FAF1: variants seen among roughly 807,000 people sequenced by gnomAD.
FAF1 encodes the protein Fas associated factor 1, also known as FAS-associated factor 1.
Under a neutral mutation model 92.5 loss-of-function variants are expected in FAF1, and 25 were observed. That is an observed-to-expected ratio of 0.27 (90% CI 0.20 to 0.38). The LOEUF is 0.38. Among genes scored for constraint, FAF1 ranks in the 10% least tolerant of loss-of-function variants. The probability of loss-of-function intolerance (pLI) is 1.00; values close to 1 mark genes in which losing one functional copy is unlikely to be tolerated. For missense variants in FAF1, 636 were observed against 793.3 expected (o/e 0.80, Z 2.38); for synonymous variants, 234 against 273.2 (o/e 0.86, Z 1.42).
chr1:50,928,318 A>G (rs1645021638), intron 1 of FAF1, among the ~76,000 whole-genome samples: 1 of 152,234 alleles, frequency 6.6e-6, no homozygotes, highest in African/African-American at 2.4e-5. Flanking sequence ...GTAATATGAA[A>G]GTCTCTTGAG....
chr1:50,517,673 T>C (rs1300529728), intron 15 of FAF1, among the ~76,000 whole-genome samples: 1 of 152,214 alleles, frequency 6.6e-6, no homozygotes, highest in African/African-American at 2.4e-5. Flanking sequence ...CTGCAGTCTA[T>C]ATTAGGAAAG....
chr1:50,741,542 G>C (rs1156860444), intron 5 of FAF1, among the ~76,000 whole-genome samples: 1 of 152,210 alleles, frequency 6.6e-6, no homozygotes, highest in Non-Finnish European at 1.5e-5. Flanking sequence ...AGAATGCACT[G>C]GAAGAAACAC....
intron 7 of FAF1, among the ~76,000 whole-genome samples, chr1:50,687,914 T>C (rs1195940532): frequency 6.6e-6 from 1 of 151,480 alleles, no homozygotes; most frequent in African/African-American, 2.4e-5. Context: ...GGCGGGCGGA[T>C]CACAAGGTCA....
intron 7 of FAF1, among the ~76,000 whole-genome samples, chr1:50,695,807 C>A (rs1225582798): frequency 6.6e-6 from 1 of 152,116 alleles, no homozygotes; most frequent in African/African-American, 2.4e-5. Flanking sequence ...CACGACCACA[C>A]CTGGCTAATT....
chr1:50,485,423 G>T (rs1336924398), intron 17 of FAF1, among the ~76,000 whole-genome samples: 2 of 151,774 alleles, frequency 1.3e-5, no homozygotes, highest in Admixed American at 1.3e-4. Flanking sequence ...AGCACTGTGG[G>T]AGGCCAAGGC....
intron 18 of FAF1, among the ~76,000 whole-genome samples, chr1:50,456,026 G>C (rs754735726): frequency 6.6e-6 from 1 of 152,084 alleles, no homozygotes; most frequent in Non-Finnish European, 1.5e-5. Flanking sequence ...AGTGAGCTGA[G>C]ATGGCACCAC....
intron 7 of FAF1, among the ~76,000 whole-genome samples, chr1:50,663,955 T>C (rs1397005774): frequency 6.6e-6 from 1 of 151,498 alleles, no homozygotes; most frequent in African/African-American, 2.4e-5. Flanking sequence ...TTCATTGCAT[T>C]CTCAGTTTAA....
chr1:50,884,715 G>GT (rs1252914674), intron 1 of FAF1, among the ~76,000 whole-genome samples: 9 of 151,678 alleles, frequency 5.9e-5, no homozygotes, highest in East Asian at 1.9e-4. Context: ...CTGAACTGTA[G>GT]TTTTTTTTGG....
chr1:50,672,019 C>CTTT lies in FAF1; in HGVS notation c.658-16494_658-16492dup, dbSNP rs370154209. Among the ~76,000 whole-genome samples the CTTT allele has an allele frequency of 6.5e-5, 9 of 138,126 alleles. No homozygotes were observed. The South Asian group carries it at 1.4e-3, about 22-fold the overall frequency. The allele number at this position is 138,126 out of a possible 152,430, so 90.6% of individuals were successfully genotyped here. A position where few individuals can be genotyped will look rare whatever the true frequency, so the allele number is the denominator to read the frequency against. On this transcript the variant is annotated intron_variant, in intron 7 of 18. Transcript: ENST00000396153. ...CACTATGTTGTCCAGGGTGGTCTTT[C>CTTT]TTTTTTTTTTTTTTATTATTTATTT...
chr1:50,915,096 C>T (rs1422470961), intron 1 of FAF1, among the ~76,000 whole-genome samples: 1 of 152,194 alleles, frequency 6.6e-6, no homozygotes, highest in Non-Finnish European at 1.5e-5. Context: ...AACAGCTGGG[C>T]ATGGTGGCTC....
chr1:50,685,980 A>T (rs1183417861), intron 7 of FAF1, among the ~76,000 whole-genome samples: 1 of 152,236 alleles, frequency 6.6e-6, no homozygotes, highest in Non-Finnish European at 1.5e-5. Context: ...TAACAGGCTA[A>T]TTAATATCTT....
At chr1:50,850,657 T>TA (rs1256533376) in intron 2 of FAF1, among the ~76,000 whole-genome samples, 2 of 151,964 alleles carry the variant, frequency 1.3e-5, no homozygotes, top group Non-Finnish European at 2.9e-5. Context: ...TATTAAAAGA[T>TA]AAAAAAATGA....
chr1:50,908,774 A>G (rs1644860533), intron 1 of FAF1, among the ~76,000 whole-genome samples: 1 of 152,068 alleles, frequency 6.6e-6, no homozygotes. Context: ...GTGTCTCTGC[A>G]CATGAGATGG....
chr1:50,546,721 G>A (rs954586203), intron 13 of FAF1, among the ~76,000 whole-genome samples: 1 of 152,092 alleles, frequency 6.6e-6, no homozygotes, highest in Non-Finnish European at 1.5e-5. Flanking sequence ...TGTTGCCTCT[G>A]GGGAGGGTCA....
chr1:50,918,149 AG>A (rs970086765), intron 1 of FAF1, among the ~76,000 whole-genome samples: 42 of 151,588 alleles, frequency 2.8e-4, no homozygotes, highest in African/African-American at 1.0e-3. Flanking sequence ...ACTTACAAAG[AG>A]TACATTTCAC....
At chr1:50,786,735 G>C (rs990667932) in intron 4 of FAF1, among the ~76,000 whole-genome samples, 2 of 152,156 alleles carry the variant, frequency 1.3e-5, no homozygotes, top group African/African-American at 4.8e-5. Flanking sequence ...ACTGAAATAA[G>C]TCCATTATGG....
At chr1:50,585,116 GA>G (rs1285356300) in intron 9 of FAF1, among the ~76,000 whole-genome samples, 3 of 152,140 alleles carry the variant, frequency 2.0e-5, no homozygotes, top group African/African-American at 4.8e-5. Flanking sequence ...AAACAAATGA[GA>G]AAATGGGTAC....
chr1:50,621,859 T>G (rs748881450), intron 8 of FAF1, among the ~76,000 whole-genome samples: 1 of 152,030 alleles, frequency 6.6e-6, no homozygotes, highest in Non-Finnish European at 1.5e-5. Flanking sequence ...CTGTCTGTCT[T>G]GCTCCCTAGA....
At chr1:50,826,206 GGA>G (rs1557546746) in intron 2 of FAF1, among the ~76,000 whole-genome samples, 1 of 152,128 alleles carries the variant, frequency 6.6e-6, no homozygotes, top group East Asian at 1.9e-4. Context: ...TTTCTTGTGT[GGA>G]GAAAGCCACA....
Sources: gnomAD v4.1 joint callset for allele counts (sites outside exome capture counted in the v4.1 genomes callset) on GRCh38, gnomAD v4.1.1 for gene constraint, MANE v1.5 for transcripts, NCBI Gene and HGNC (gene_info 2026-07-23, HGNC 2026-07-21) for gene names.